PLD5: variants seen among roughly 807,000 people sequenced by gnomAD.
PLD5 encodes the protein phospholipase D family member 5, also known as inactive phospholipase D5.
A neutral mutation model predicts 61.1 loss-of-function variants in PLD5; 36 were observed. The ratio of observed to expected loss-of-function variants is 0.59; its 90% confidence interval spans 0.45 to 0.78. The LOEUF is 0.78. Among genes scored for constraint, PLD5 ranks in the 30% least tolerant of loss-of-function variants. PLD5 has a pLI of 0.00. For missense variants in PLD5, 515 were observed against 644.4 expected (o/e 0.80, Z 2.17); for synonymous variants, 243 against 242.8 (o/e 1.00, Z -0.01).
rs1659367780 is a variant in PLD5 at position 242,084,507 on chromosome 1, C to T, written c.*5347G>A. 6.6e-6 allele frequency: 1 copy of T among 152,140 alleles called. No homozygotes were observed. The highest frequency in any genetic ancestry group is 1.5e-5 in the Non-Finnish European group (1 of 68,014). 9.4% of individuals were successfully genotyped at this position (152,140 alleles called of 1,614,324 possible). A position where few individuals can be genotyped will look rare whatever the true frequency, so the allele number is the denominator to read the frequency against. On this transcript the variant is annotated 3_prime_UTR_variant, in exon 10 of 10. Coordinates refer to ENST00000536534, the MANE Select transcript of PLD5 (RefSeq NM_001372062.1). ...TTTGGCTCAAGTAGGTTTTCAGCTT[C>T]TCACCTTGAGTCTGGAGCCTCAGAC...
At chr1:242,448,751 C>T (rs932802537) in intron 1 of PLD5, among the ~76,000 whole-genome samples, 2 of 152,190 alleles carry the variant, frequency 1.3e-5, no homozygotes, top group African/African-American at 4.8e-5. Context: ...GTTTGCTTTA[C>T]TGGATTGAAT....
intron 5 of PLD5, among the ~76,000 whole-genome samples, chr1:242,130,456 G>A (rs937876251): frequency 4.6e-5 from 7 of 152,148 alleles, no homozygotes; most frequent in African/African-American, 9.7e-5. Context: ...TTTGCTATGC[G>A]TAGATACACA....
intron 3 of PLD5, among the ~76,000 whole-genome samples, chr1:242,270,151 T>G (rs1673970578): frequency 6.6e-6 from 1 of 151,196 alleles, no homozygotes; most frequent in Admixed American, 6.6e-5. Context: ...TTTTAGCAGT[T>G]GAACTCTTAG....
chr1:242,423,999 G>A (rs79908037), intron 1 of PLD5, among the ~76,000 whole-genome samples: 1 of 18,424 alleles, frequency 5.4e-5, no homozygotes, highest in Admixed American at 7.5e-4. Flanking sequence ...TCCTCACAAC[G>A]TTTCTTCATA....
chr1:242,168,271 T>C (rs1212015422), intron 5 of PLD5, among the ~76,000 whole-genome samples: 2 of 152,238 alleles, frequency 1.3e-5, no homozygotes, highest in Non-Finnish European at 2.9e-5. Flanking sequence ...GAAATTGTTT[T>C]CATTTAATGA....
intron 1 of PLD5, among the ~76,000 whole-genome samples, chr1:242,427,695 G>A (rs569978623): frequency 6.6e-6 from 1 of 152,312 alleles, no homozygotes; most frequent in East Asian, 1.9e-4. Flanking sequence ...ATCTGGAGCA[G>A]ACTGATGATT....
chr1:242,478,015 A>T (rs1402137514), intron 1 of PLD5, among the ~76,000 whole-genome samples: 1 of 152,246 alleles, frequency 6.6e-6, no homozygotes, highest in Non-Finnish European at 1.5e-5. Context: ...CTCTACAGCC[A>T]GTGAAGTACA....
intron 2 of PLD5, among the ~76,000 whole-genome samples, chr1:242,346,488 T>G (rs1174950681): frequency 6.6e-6 from 1 of 152,154 alleles, no homozygotes; most frequent in Non-Finnish European, 1.5e-5. Context: ...ATATGAGTCA[T>G]GGGCCCCTTG....
intron 2 of PLD5, among the ~76,000 whole-genome samples, chr1:242,319,299 G>A (rs1370563513): frequency 1.3e-5 from 2 of 151,602 alleles, no homozygotes; most frequent in Admixed American, 6.6e-5. Context: ...GATAAAAAGA[G>A]TCTAAGAAAG....
intron 1 of PLD5, among the ~76,000 whole-genome samples, chr1:242,399,866 C>T (rs898582148): frequency 6.6e-6 from 1 of 151,616 alleles, no homozygotes; most frequent in Admixed American, 6.6e-5. Flanking sequence ...ATCTAGGCTG[C>T]GTGCTCCTTA....
intron 9 of PLD5, among the ~76,000 whole-genome samples, chr1:242,100,383 C>T (rs1660590192): frequency 6.6e-6 from 1 of 152,218 alleles, no homozygotes; most frequent in South Asian, 2.1e-4. Flanking sequence ...GAGCCATTCT[C>T]ATCCTTGCCT....
Position 242,475,401 on chromosome 1 carries a change from C to A in PLD5, c.189+48687G>T, listed in dbSNP as rs1226622040. 2.5e-4 allele frequency among the ~76,000 whole-genome samples: 30 copies of A among 121,846 alleles called. No individual in the cohort carries two copies. The Admixed American group carries it at 3.1e-3, about 13-fold the overall frequency. 79.9% of individuals were successfully genotyped at this position (121,846 alleles called of 152,430 possible). A position where few individuals can be genotyped will look rare whatever the true frequency, so the allele number is the denominator to read the frequency against. On this transcript the variant is annotated intron_variant, in intron 1 of 9. Coordinates refer to ENST00000536534, the MANE Select transcript of PLD5 (RefSeq NM_001372062.1). ...TTGCGCCACTGCACTCCAGCCTGGGCGACAGAGCGAGACTCCGTCTCAAAA... is the reference window on the plus strand; with the variant it reads ...TTGCGCCACTGCACTCCAGCCTGGGAGACAGAGCGAGACTCCGTCTCAAAA...
intron 5 of PLD5, among the ~76,000 whole-genome samples, chr1:242,181,897 TC>T (rs1667545213): frequency 6.6e-6 from 1 of 152,126 alleles, no homozygotes. Context: ...TGCCCTGACC[TC>T]CCAAAGTGCT....
intron 1 of PLD5, among the ~76,000 whole-genome samples, chr1:242,494,878 C>CTT (rs556893161): frequency 8.1e-5 from 11 of 135,914 alleles, no homozygotes; most frequent in Non-Finnish European, 1.2e-4. Flanking sequence ...TTTTTCTTTT[C>CTT]TGTTTTTTTT....
intron 1 of PLD5, among the ~76,000 whole-genome samples, chr1:242,386,841 T>C (rs1261715565): frequency 1.3e-5 from 2 of 152,222 alleles, no homozygotes; most frequent in East Asian, 1.9e-4. Flanking sequence ...TATTATACAA[T>C]GTTTTGTAGA....
At chr1:242,275,677 G>A (rs1674373851) in intron 3 of PLD5, among the ~76,000 whole-genome samples, 3 of 152,176 alleles carry the variant, frequency 2.0e-5, no homozygotes, top group Admixed American at 2.0e-4. Flanking sequence ...ACAGAGCAAG[G>A]GAAAAGCATA....
chr1:242,346,155 T>C (rs181307029), intron 2 of PLD5, among the ~76,000 whole-genome samples: 5,176 of 149,314 alleles, frequency 0.035, 144 homozygotes, highest in Non-Finnish European at 0.048. Context: ...TTCCAGATGG[T>C]GGGAGAAGTA....
At chr1:242,389,536 GA>G (rs1328738434) in intron 1 of PLD5, among the ~76,000 whole-genome samples, 1 of 151,656 alleles carries the variant, frequency 6.6e-6, no homozygotes, top group Non-Finnish European at 1.5e-5. Flanking sequence ...CTGTGCTGGG[GA>G]AAAAAATAAA....
chr1:242,102,875 C>T (rs1660788489), intron 8 of PLD5, among the ~76,000 whole-genome samples: 1 of 152,098 alleles, frequency 6.6e-6, no homozygotes, highest in Admixed American at 6.6e-5. Flanking sequence ...CATCTATGAT[C>T]AAAAACATCA....
Sources: allele counts gnomAD v4.1 joint callset (sites outside exome capture counted in the v4.1 genomes callset), GRCh38; gene constraint gnomAD v4.1.1; transcripts MANE v1.5; gene names NCBI Gene and HGNC (gene_info 2026-07-23, HGNC 2026-07-21).